The following DLG2 variants were observed in gnomAD, a reference collection of about 807,000 sequenced individuals.
DLG2 encodes discs large MAGUK scaffold protein 2.
In DLG2, 45 loss-of-function variants were observed where a neutral mutation model predicts 132.5. The ratio of observed to expected loss-of-function variants is 0.34; its 90% CI spans 0.27 to 0.44. DLG2 has a LOEUF of 0.44. Among genes scored for constraint, DLG2 ranks in the 20% least tolerant of loss-of-function variants. The probability of loss-of-function intolerance (pLI) is 1.00; values close to 1 mark genes in which losing one functional copy is unlikely to be tolerated. For missense variants in DLG2, 1,045 were observed against 1,196.9 expected (o/e 0.87, Z 1.87); for synonymous variants, 424 against 419.6 (o/e 1.01, Z -0.13).
At chr11:85,412,760 C>CACATATATATATATATAT (rs756868795) in intron 3 of DLG2, among the ~76,000 whole-genome samples, 3 of 113,240 alleles carry the variant, frequency 2.6e-5, no homozygotes, top group African/African-American at 1.1e-4. Context: ...CACACACACA[C>CACATATATATATATATAT]ATATATATAT....
intron 16 of DLG2, among the ~76,000 whole-genome samples, chr11:83,860,401 A>T (rs1474713110): frequency 1.3e-5 from 2 of 152,152 alleles, no homozygotes; most frequent in Non-Finnish European, 2.9e-5. Context: ...GATATGAGAC[A>T]TGGAGTCAAA....
At chr11:84,008,486 T>C (rs1420870926) in intron 11 of DLG2, among the ~76,000 whole-genome samples, 2 of 151,948 alleles carry the variant, frequency 1.3e-5, no homozygotes, top group East Asian at 3.9e-4. Flanking sequence ...TTCAGACAGC[T>C]GTTGACAGAT....
At chr11:85,606,813 T>C (rs1483642981) in intron 2 of DLG2, among the ~76,000 whole-genome samples, 1 of 151,954 alleles carries the variant, frequency 6.6e-6, no homozygotes, top group Non-Finnish European at 1.5e-5. Flanking sequence ...GCGCCACCTT[T>C]AAGAGCTGTA....
At chr11:84,401,975 A>T (rs2098831254) in intron 7 of DLG2, among the ~76,000 whole-genome samples, 1 of 152,224 alleles carries the variant, frequency 6.6e-6, no homozygotes, top group Non-Finnish European at 1.5e-5. Flanking sequence ...AAGAACATAA[A>T]TTGTACTTTT....
chr11:83,873,041 G>A (rs1405486353), intron 16 of DLG2, among the ~76,000 whole-genome samples: 4 of 152,074 alleles, frequency 2.6e-5, no homozygotes, highest in Non-Finnish European at 4.4e-5. Flanking sequence ...AATTCTGCAC[G>A]ATGTCTAACT....
At chr11:83,868,735 C>A (rs112669356) in intron 16 of DLG2, among the ~76,000 whole-genome samples, 4,068 of 152,018 alleles carry the variant, frequency 0.027, 150 homozygotes, top group African/African-American at 0.074. Flanking sequence ...AAAAAAAAAT[C>A]TCTTCCAAGT....
intron 7 of DLG2, among the ~76,000 whole-genome samples, chr11:84,389,528 A>C (rs2098784513): frequency 6.6e-6 from 1 of 152,156 alleles, no homozygotes; most frequent in Non-Finnish European, 1.5e-5. Flanking sequence ...ACACTGGAAT[A>C]AAATTGAAAT....
intron 15 of DLG2, among the ~76,000 whole-genome samples, chr11:83,908,615 G>A (rs954321407): frequency 5.9e-5 from 9 of 152,008 alleles, no homozygotes; most frequent in African/African-American, 2.2e-4. Context: ...TCCCACAATT[G>A]TCTAACTGAG....
At chr11:84,797,411 C>A (rs1354651930) in intron 6 of DLG2, among the ~76,000 whole-genome samples, 1 of 152,220 alleles carries the variant, frequency 6.6e-6, no homozygotes, top group East Asian at 1.9e-4. Flanking sequence ...ATGCTTCATT[C>A]TTTTTTGTAT....
At chr11:84,730,381 T>C (rs2063017951) in intron 6 of DLG2, among the ~76,000 whole-genome samples, 1 of 152,100 alleles carries the variant, frequency 6.6e-6, no homozygotes, top group South Asian at 2.1e-4. Context: ...TATTAATAAA[T>C]GCTTAATAAT....
intron 12 of DLG2, among the ~76,000 whole-genome samples, chr11:83,966,775 G>T (rs773275921): frequency 3.3e-5 from 5 of 151,710 alleles, no homozygotes; most frequent in Non-Finnish European, 7.4e-5. Flanking sequence ...TACTTATTTC[G>T]CAAAATTCCT....
At chr11:84,099,389 A>G (rs1466579430) in intron 9 of DLG2, among the ~76,000 whole-genome samples, 2 of 152,192 alleles carry the variant, frequency 1.3e-5, no homozygotes, top group Non-Finnish European at 2.9e-5. Context: ...TGTAAAAATT[A>G]TACATTTATA....
intron 18 of DLG2, among the ~76,000 whole-genome samples, chr11:83,667,465 T>C (rs181634262): frequency 1.1e-4 from 16 of 152,224 alleles, no homozygotes; most frequent in Non-Finnish European, 2.9e-5. Context: ...GATTGAACTT[T>C]TGTTTTCTAG....
chr11:84,719,734 A>C lies in DLG2; in HGVS notation c.358-185003T>G, dbSNP rs182588343. 4.6e-5 allele frequency among the ~76,000 whole-genome samples: 7 copies of C among 152,286 alleles called. No homozygotes were observed. In the East Asian group the frequency reaches 1.3e-3, roughly 29 times the overall value. ...GAGTAACTGCGCCACCTCTTGATAA[A>C]ATTTGTTTGTTGATTTCAAGTGGAT... On this transcript the variant is annotated intron_variant, in intron 6 of 27. Coordinates refer to ENST00000376104, the MANE Select transcript of DLG2 (RefSeq NM_001142699.3).
chr11:85,134,163 A>G lies in DLG2; in HGVS notation c.282+20393T>C, dbSNP rs1159217778. ...AATACATAGTCAACTGGACCATTGAAATATCAAAAATAAATGTCTAGGGAC... is the reference window on the plus strand; with the variant it reads ...AATACATAGTCAACTGGACCATTGAGATATCAAAAATAAATGTCTAGGGAC... On this transcript the variant is annotated intron_variant, in intron 5 of 27. Transcript: ENST00000376104. Among the ~76,000 whole-genome samples, 3 of 152,224 alleles carry G rather than the reference A, an allele frequency of 2.0e-5. No individual in the cohort carries two copies. In the South Asian group the frequency reaches 6.2e-4, roughly 32 times the overall value.
At chr11:84,452,334 T>G (rs1416972601) in intron 7 of DLG2, among the ~76,000 whole-genome samples, 3 of 151,720 alleles carry the variant, frequency 2.0e-5, no homozygotes, top group Non-Finnish European at 4.4e-5. Context: ...AAGCAGATCT[T>G]GTAAGCCTCA....
intron 16 of DLG2, among the ~76,000 whole-genome samples, chr11:83,837,723 C>CAAAAAAAAAAAACAAA (rs2056581382): frequency 2.2e-5 from 1 of 45,948 alleles, no homozygotes; most frequent in African/African-American, 9.7e-5. Flanking sequence ...ACATAGCAAG[C>CAAAAAAAAAAAACAAA]AAAAAAAAAA....
chr11:84,375,112 T>TA (rs1300505014), intron 7 of DLG2, among the ~76,000 whole-genome samples: 2 of 152,144 alleles, frequency 1.3e-5, no homozygotes, highest in African/African-American at 4.8e-5. Context: ...GAATACCCAT[T>TA]ATTTTCAAAT....
At chr11:84,316,960 G>T (rs577303039) in intron 7 of DLG2, 1 of 1,612,764 alleles carries the variant, frequency 6.2e-7, no homozygotes, top group Non-Finnish European at 8.5e-7. Flanking sequence ...CCCCGGTCCT[G>T]TTTGAAGCTG....
Sources: gnomAD v4.1 joint callset for allele counts (sites outside exome capture counted in the v4.1 genomes callset) on GRCh38, gnomAD v4.1.1 for gene constraint, MANE v1.5 for transcripts, NCBI Gene and HGNC (gene_info 2026-07-23, HGNC 2026-07-21) for gene names.